The following MGAT4D variants were observed in gnomAD, a reference collection of about 807,000 sequenced individuals.
MGAT4D encodes the protein alpha-1,3-mannosyl-glycoprotein 4-beta-N-acetylglucosaminyltransferase-like protein MGAT4D.
In MGAT4D, 34 loss-of-function variants were observed where a neutral mutation model predicts 15.9. That is an observed-to-expected ratio of 2.14 (90% confidence interval 1.62 to 2.84). MGAT4D has a LOEUF of 2.84. MGAT4D is among the 30% of genes most tolerant of loss of function. The probability of loss-of-function intolerance (pLI) is 0.00; values close to 1 mark genes in which losing one functional copy is unlikely to be tolerated. For synonymous variants in MGAT4D, 112 were observed against 48.2 expected, an observed-to-expected ratio of 2.33 and a Z score of -5.49; for missense variants, 327 against 140.2, an observed-to-expected ratio of 2.33 and a Z score of -6.73.
chr4:140,485,810 T>TTAAAAAAAAAA (rs1733076131), intron 1 of MGAT4D, among the ~76,000 whole-genome samples: 1 of 13,018 alleles, frequency 7.7e-5, no homozygotes, highest in Non-Finnish European at 1.4e-4. Flanking sequence ...GACCCTGTCT[T>TTAAAAAAAAAA]AAAAAAAAAA....
chr4:140,496,433 C>T (rs1006499346), intron 1 of MGAT4D, among the ~76,000 whole-genome samples: 1 of 152,160 alleles, frequency 6.6e-6, no homozygotes. Flanking sequence ...ACTTCTTTTT[C>T]CCTGTCATAA....
At chr4:140,495,627 G>C (rs1339648180) in intron 1 of MGAT4D, among the ~76,000 whole-genome samples, 1 of 152,204 alleles carries the variant, frequency 6.6e-6, no homozygotes, top group African/African-American at 2.4e-5. Flanking sequence ...TCCTCACAGA[G>C]CTTGCATATT....
Position 140,459,546 on chromosome 4 carries a change from C to A in MGAT4D, c.843G>T (p.Trp281Cys), listed in dbSNP as rs939238879. The change falls in exon 8 of 11, where the codon TGG becomes TGT. Residue 281 changes from tryptophan to cysteine, a missense_variant. Coordinates refer to ENST00000511113, the MANE Select transcript of MGAT4D (RefSeq NM_001277353.2). The stretch of plus-strand genomic sequence containing the variant: ...CAAGCATTGAAAACTCAATAAAAAA[C>A]CAATTATTTGAACTGATATTACCTA... ...DFVGNISSNNWFFIEFSMLGF... is the reference protein window; with the variant it reads ...DFVGNISSNNCFFIEFSMLGF... The A allele has an allele frequency of 2.7e-5, 14 of 514,062 alleles. No homozygotes were observed. The highest frequency in any genetic ancestry group is 8.0e-5 in the African/African-American group (4 of 49,912). The allele number at this position is 514,062 out of a possible 1,614,324, so 31.8% of individuals were successfully genotyped here.
intron 7 of MGAT4D, 151 bp downstream of exon 7, chr4:140,461,778 G>A (rs1731192751): frequency 7.2e-6 from 3 of 417,828 alleles, no homozygotes; most frequent in Non-Finnish European, 1.3e-5. Context: ...TGAATATAAA[G>A]TAAGGTGGAG....
chr4:140,490,515 C>A (rs973204378), intron 1 of MGAT4D, among the ~76,000 whole-genome samples: 6 of 152,206 alleles, frequency 3.9e-5, no homozygotes, highest in Non-Finnish European at 7.3e-5. Context: ...AATGGCCAGA[C>A]TGGAAGCCCT....
intron 4 of MGAT4D, 46 bp downstream of exon 4, chr4:140,474,767 G>A: frequency 3.8e-6 from 2 of 528,068 alleles, no homozygotes; most frequent in Middle Eastern, 2.7e-4. Context: ...GGAATTTGGA[G>A]ACCATAGGGT....
Position 140,474,817 on chromosome 4 carries a change from G to A in MGAT4D, c.521C>T (p.Ala174Val). ...EKDSVVIVLV[A>V]DSNEDYLHSV... ...CTCCTTATTTTGTATACGTACATCT[G>A]CAACCAAGACAATCACTACAGAATC... Residue 174 changes from alanine (A) to valine (V), a missense_variant, in exon 4 of 11, where the codon GCA (alanine) becomes GTA (valine). Physicochemically the swap from Ala to Val is moderately conservative, Grantham distance 64. Transcript: ENST00000511113. The A allele has an allele frequency of 1.5e-6, 1 of 674,980 alleles. No homozygotes were observed. The highest frequency in any genetic ancestry group is 2.7e-6 in the Non-Finnish European group (1 of 373,746). The allele number at this position is 674,980 out of a possible 1,614,324, so 41.8% of individuals were successfully genotyped here. A position where few individuals can be genotyped will look rare whatever the true frequency, so the allele number is the denominator to read the frequency against.
At chr4:140,496,318 T>C (rs1484955335) in intron 1 of MGAT4D, among the ~76,000 whole-genome samples, 1 of 152,162 alleles carries the variant, frequency 6.6e-6, no homozygotes, top group Non-Finnish European at 1.5e-5. Flanking sequence ...AATGAAAAAA[T>C]CTGATTTGTC....
At chr4:140,494,580 A>C (rs1733715343) in intron 1 of MGAT4D, among the ~76,000 whole-genome samples, 1 of 152,110 alleles carries the variant, frequency 6.6e-6, no homozygotes. Context: ...CAACACTTTC[A>C]CTGGGATCTC....
In MGAT4D at chr4:140,474,808, C is replaced by G. The variant is rs575397094; in HGVS notation, c.525+5G>C. Reference sequence around the variant, plus strand: ...TAAGGAGAGCTCCTTATTTTGTATACGTACATCTGCAACCAAGACAATCAC... The same window carrying G: ...TAAGGAGAGCTCCTTATTTTGTATAGGTACATCTGCAACCAAGACAATCAC... On this transcript the variant is annotated splice_donor_5th_base_variant and intron_variant, in intron 4 of 10. Coordinates refer to ENST00000511113, the MANE Select transcript of MGAT4D (RefSeq NM_001277353.2). 3.0e-6 allele frequency: 2 copies of G among 662,718 alleles called. No homozygotes were observed. The highest frequency in any genetic ancestry group is 3.3e-5 in the South Asian group (2 of 60,090). The allele number at this position is 662,718 out of a possible 1,614,324, so 41.1% of individuals were successfully genotyped here. A position where few individuals can be genotyped will look rare whatever the true frequency, so the allele number is the denominator to read the frequency against.
intron 5 of MGAT4D, among the ~76,000 whole-genome samples, chr4:140,468,976 C>T (rs533801497): frequency 7.2e-5 from 11 of 152,286 alleles, no homozygotes; most frequent in African/African-American, 2.6e-4. Flanking sequence ...GCTCCCTCCA[C>T]CTGAGTCTCC....
At chr4:140,482,191 C>T (rs968572456) in intron 2 of MGAT4D, 136 bp downstream of exon 2, 3 of 477,578 alleles carry the variant, frequency 6.3e-6, no homozygotes, top group African/African-American at 6.1e-5. Context: ...TATCTCTTAC[C>T]TGATTTTTGC....
chr4:140,493,287 CT>C (rs551838799), intron 1 of MGAT4D, among the ~76,000 whole-genome samples: 1,675 of 112,456 alleles, frequency 0.015, 34 homozygotes, highest in African/African-American at 0.049. Context: ...TGTTCCTTTA[CT>C]TTTTTTTTTT....
Position 140,461,966 on chromosome 4 carries a change from A to C in MGAT4D, c.725T>G (p.Leu242Trp). ...CTTGGCCTTGGGTTGGGCATACAGC[A>C]ACAAAATGCAAAAATCCAATACCTG... ...IKQVLDFCIL[L>W]LYAQPKAKYY... The change falls in exon 7 of 11, where the codon TTG becomes TGG. Residue 242 changes from leucine (L) to tryptophan (W), a missense_variant. Transcript: ENST00000511113. 1 of 701,344 alleles carries C rather than the reference A, an allele frequency of 1.4e-6. No individual in the cohort carries two copies. Among genetic ancestry groups the C allele is most frequent in the Non-Finnish European group, 2.6e-6 (1 of 384,134 alleles). 43.4% of individuals were successfully genotyped at this position (701,344 alleles called of 1,614,324 possible). A position where few individuals can be genotyped will look rare whatever the true frequency, so the allele number is the denominator to read the frequency against.
At chr4:140,455,638 T>C (rs1249190140) in intron 9 of MGAT4D, among the ~76,000 whole-genome samples, 7 of 152,194 alleles carry the variant, frequency 4.6e-5, no homozygotes, top group Non-Finnish European at 7.4e-5. Context: ...ATCAGTTCTG[T>C]TGATCACTGA....
intron 6 of MGAT4D, chr4:140,462,714 G>C (rs988922054): frequency 6.6e-6 from 1 of 152,094 alleles, no homozygotes; most frequent in Non-Finnish European, 1.5e-5. Flanking sequence ...ACTCTCCAGC[G>C]GATTGATTGT....
In MGAT4D at chr4:140,456,611, A is replaced by T; in HGVS notation, c.986T>A (p.Val329Glu). 1 of 683,522 alleles carries T rather than the reference A, an allele frequency of 1.5e-6. No individual in the cohort carries two copies. Among genetic ancestry groups the T allele is most frequent in the Non-Finnish European group, 2.7e-6 (1 of 376,298 alleles). 42.3% of individuals were successfully genotyped at this position (683,522 alleles called of 1,614,324 possible). The part of the protein sequence containing the change: ...WLLNDIFQVK[V>E]CDAGEDLRNC... ...CACAAGATCTTCTCCTGCGTCACAC[A>T]CCTTTACCTGAAAAATGTCATTCAA... Residue 329 changes from valine to glutamate, a missense_variant, in exon 9 of 11, where the codon GTG becomes GAG. Val to Glu is a moderately radical substitution (Grantham distance 121, BLOSUM62 -2). Transcript: ENST00000511113.
Position 140,451,484 on chromosome 4 carries a change from T to C in MGAT4D, c.1042A>G (p.Ile348Val), listed in dbSNP as rs957213669. Residue 348 changes from isoleucine to valine, a missense_variant, in exon 10 of 11, where the codon ATT becomes GTT. Transcript: ENST00000511113. Reference protein sequence around the residue: ...NCMKRKKQIRIQYKPSLFQHV... With the variant: ...NCMKRKKQIRVQYKPSLFQHV... ...TGGAAAAGAGAAGGTTTATACTGAA[T>C]ACGTATTTGCTTCTTTCGTTTCATA... is the stretch of plus-strand genomic sequence containing the variant. 3.3e-6 allele frequency: 2 copies of C among 599,176 alleles called. No homozygotes were observed. Among genetic ancestry groups the C allele is most frequent in the Non-Finnish European group, 6.1e-6 (2 of 327,430 alleles). 37.1% of individuals were successfully genotyped at this position (599,176 alleles called of 1,614,324 possible).
At chr4:140,465,482 T>C (rs970044679) in intron 5 of MGAT4D, among the ~76,000 whole-genome samples, 4 of 152,238 alleles carry the variant, frequency 2.6e-5, no homozygotes, top group African/African-American at 9.6e-5. Context: ...TGGAGGACTA[T>C]GTGTACTCTT....
Sources: gnomAD v4.1 joint callset for allele counts (sites outside exome capture counted in the v4.1 genomes callset) on GRCh38, gnomAD v4.1.1 for gene constraint, MANE v1.5 for transcripts, NCBI Gene and HGNC (gene_info 2026-07-23, HGNC 2026-07-21) for gene names.